CLNK: variants seen among roughly 807,000 people sequenced by gnomAD.
The protein encoded by CLNK is cytokine dependent hematopoietic cell linker.
CLNK carries 74 observed loss-of-function variants against 68.6 expected under a neutral mutation model. The ratio of observed to expected loss-of-function variants is 1.08; its 90% CI spans 0.89 to 1.31. The LOEUF (loss-of-function observed/expected upper bound fraction) is 1.31, where lower values mean the gene tolerates loss of function less well. Ranked by LOEUF, CLNK falls within the 50% of genes most tolerant of loss-of-function variation. The pLI, the probability that CLNK is intolerant of heterozygous loss-of-function variation, is 0.00. For synonymous variants in CLNK, 198 were observed against 172.2 expected (o/e 1.15, Z -1.17); for missense variants, 553 against 515.3 (o/e 1.07, Z -0.71).
chr4:10,667,371 TA>T (rs975282984), intron 2 of CLNK, among the ~76,000 whole-genome samples: 15 of 65,868 alleles, frequency 2.3e-4, no homozygotes, highest in African/African-American at 6.6e-4. Context: ...TGAGTCCTGC[TA>T]ATTTTTTTTT....
At chr4:10,726,179 T>G in the CLNK span, among the ~76,000 whole-genome samples, 2 of 152,150 alleles carry the variant, frequency 1.3e-5, no homozygotes, top group African/African-American at 2.4e-5. Context: ...TGGAGTGCAG[T>G]GGTGAGATCT....
intron 8 of CLNK, among the ~76,000 whole-genome samples, chr4:10,554,025 A>G (rs1719566943): frequency 6.6e-6 from 1 of 152,158 alleles, no homozygotes; most frequent in South Asian, 2.1e-4. Flanking sequence ...GAGGGGCTGG[A>G]TCGTGGAGAT....
intron 16 of CLNK, 75 bp downstream of exon 16, chr4:10,513,389 T>C (rs893488594): frequency 4.4e-6 from 6 of 1,373,396 alleles, no homozygotes; most frequent in Non-Finnish European, 6.0e-6. Context: ...AATCTCCTTT[T>C]GGGCATTGTT....
the CLNK span, among the ~76,000 whole-genome samples, chr4:10,731,790 A>G: frequency 6.6e-6 from 1 of 152,220 alleles, no homozygotes; most frequent in Non-Finnish European, 1.5e-5. Flanking sequence ...GTTAAAGTGT[A>G]ACTACAAAAA....
At chr4:10,730,564 A>G in the CLNK span, among the ~76,000 whole-genome samples, 1 of 152,250 alleles carries the variant, frequency 6.6e-6, no homozygotes, top group East Asian at 1.9e-4. Context: ...AGTTGCAACT[A>G]CAAGTGAAGT....
intron 2 of CLNK, among the ~76,000 whole-genome samples, chr4:10,657,310 T>G (rs920774641): frequency 1.3e-5 from 2 of 152,224 alleles, no homozygotes; most frequent in African/African-American, 4.8e-5. Flanking sequence ...GGATAGTTTT[T>G]GCTTGTTAGG....
At position 10,546,562 on chromosome 4, in the gene CLNK, T is replaced by C. The variant is rs117394970; in HGVS notation, c.446-4282A>G. 8.1e-3 allele frequency among the ~76,000 whole-genome samples: 1,228 copies of C among 152,334 alleles called. 32 individuals are homozygous for C. Among genetic ancestry groups the C allele is most frequent in the South Asian group, 0.072 (345 of 4,824 alleles). On this transcript the variant is annotated intron_variant, in intron 8 of 18. Coordinates refer to ENST00000226951, the MANE Select transcript of CLNK (RefSeq NM_052964.4). The stretch of plus-strand genomic sequence containing the variant: ...TTGTCACAACCACCTATCTAATCAC[T>C]AAGAAGTTCCAAACTTTACTTAGCC...
the CLNK span, among the ~76,000 whole-genome samples, chr4:10,700,359 C>T: frequency 6.6e-6 from 1 of 152,158 alleles, no homozygotes; most frequent in African/African-American, 2.4e-5. Flanking sequence ...ACCTTGGAAT[C>T]AAAGCCTGTC....
intron 3 of CLNK, among the ~76,000 whole-genome samples, chr4:10,596,647 C>A (rs1454080867): frequency 6.6e-6 from 1 of 151,790 alleles, no homozygotes; most frequent in African/African-American, 2.4e-5. Context: ...ATAAAATATG[C>A]AGTGGTATAG....
chr4:10,720,718 T>C, the CLNK span, among the ~76,000 whole-genome samples: 14 of 116,134 alleles, frequency 1.2e-4, no homozygotes, highest in African/African-American at 3.0e-4. Flanking sequence ...GACAAGGATA[T>C]GTTGAAAATG....
chr4:10,554,070 C>T (rs1719568985), intron 8 of CLNK, among the ~76,000 whole-genome samples: 1 of 152,134 alleles, frequency 6.6e-6, no homozygotes, highest in Admixed American at 6.5e-5. Flanking sequence ...ATAACTCTTC[C>T]ATTCTGCTGG....
At chr4:10,624,302 C>T (rs1351682535) in intron 2 of CLNK, among the ~76,000 whole-genome samples, 2 of 151,854 alleles carry the variant, frequency 1.3e-5, no homozygotes, top group Non-Finnish European at 2.9e-5. Flanking sequence ...GATTAGTGTC[C>T]AGTAGTTTTT....
intron 4 of CLNK, among the ~76,000 whole-genome samples, chr4:10,581,710 T>C (rs1031412535): frequency 6.6e-6 from 1 of 152,028 alleles, no homozygotes; most frequent in African/African-American, 2.4e-5. Flanking sequence ...CTACCACAAA[T>C]TGGTTGAATG....
the CLNK span, among the ~76,000 whole-genome samples, chr4:10,723,084 C>T: frequency 6.6e-6 from 1 of 151,860 alleles, no homozygotes; most frequent in East Asian, 1.9e-4. Context: ...CTATTGGTTA[C>T]TTGGTGTATG....
chr4:10,522,470 A>C (rs1718118760), intron 14 of CLNK, among the ~76,000 whole-genome samples: 3 of 146,696 alleles, frequency 2.0e-5, no homozygotes, highest in Admixed American at 6.9e-5. Flanking sequence ...GCTACTTGGG[A>C]GGCTGAGGCG....
At chr4:10,541,420 T>A (rs1719019833) in intron 10 of CLNK, among the ~76,000 whole-genome samples, 1 of 151,610 alleles carries the variant, frequency 6.6e-6, no homozygotes, top group Non-Finnish European at 1.5e-5. Flanking sequence ...GAGAGAGAGA[T>A]GAAGAAATGA....
At chr4:10,686,104 T>C (rs531654136), upstream of CLNK, among the ~76,000 whole-genome samples, 7 of 152,300 alleles carry the variant, frequency 4.6e-5, no homozygotes, top group East Asian at 1.4e-3. Context: ...TGGATCCTCC[T>C]GAGAGCCATG....
intron 4 of CLNK, among the ~76,000 whole-genome samples, chr4:10,579,915 A>G (rs559600066): frequency 1.3e-5 from 2 of 152,148 alleles, no homozygotes; most frequent in Non-Finnish European, 2.9e-5. Context: ...AATCCCCTAA[A>G]CCCTATGCAA....
chr4:10,654,938 T>C lies in CLNK; in HGVS notation c.11+12921A>G, dbSNP rs144146768. On this transcript the variant is annotated intron_variant, in intron 2 of 18. Transcript: ENST00000226951. ...TAACACAGGTGAAATCTGTCTCTAC[T>C]AAAAATATAAAAAATTAGCTGGGCG... is the stretch of plus-strand genomic sequence containing the variant. Among the ~76,000 whole-genome samples, 1,139 of 151,916 alleles carry C rather than the reference T, an allele frequency of 7.5e-3. 10 individuals are homozygous for C. The highest frequency in any genetic ancestry group is 0.015 in the Admixed American group (231 of 15,268).
Sources: gnomAD v4.1 joint callset for allele counts (sites outside exome capture counted in the v4.1 genomes callset) on GRCh38, gnomAD v4.1.1 for gene constraint, MANE v1.5 for transcripts, NCBI Gene and HGNC (gene_info 2026-07-23, HGNC 2026-07-21) for gene names.